Variants in ZC3H14 observed in about 807,000 individuals in gnomAD.
ZC3H14 encodes zinc finger CCCH domain-containing protein 14.
ZC3H14 carries 31 observed loss-of-function variants against 92.4 expected under a neutral mutation model. The ratio of observed to expected loss-of-function variants is 0.34; its 90% CI spans 0.25 to 0.45. ZC3H14 has a LOEUF of 0.45. ZC3H14 is among the 20% of genes least tolerant of loss of function. The pLI, the probability that ZC3H14 is intolerant of heterozygous loss-of-function variation, is 1.00. For synonymous variants in ZC3H14, 321 were observed against 300.9 expected (o/e 1.07, Z -0.69); for missense variants, 781 against 897.3 (o/e 0.87, Z 1.66).
intron 7 of ZC3H14, 142 bp downstream of exon 7, chr14:88,574,995 G>A: frequency 7.6e-7 from 1 of 1,311,920 alleles, no homozygotes; most frequent in Non-Finnish European, 1.1e-6. Flanking sequence ...GGAGTGCAGT[G>A]CCACGATCTC....
At chr14:88,570,021 A>G (rs771762962) in intron 3 of ZC3H14, among the ~76,000 whole-genome samples, 2 of 152,034 alleles carry the variant, frequency 1.3e-5, no homozygotes, top group Non-Finnish European at 2.9e-5. Context: ...TTTTTTTTCT[A>G]AAGCGACCGA....
In ZC3H14 at chr14:88,610,849, ACT is replaced by A; in HGVS notation, c.2115_2116del (p.Gln706MetfsTer14). ...CTCTATTCAGCATTGTAGGTTTAAC[ACT>A]CAATGTACAAGACCGGACTGCACAT... ...FYHPKHCRFN[T>X]QCTRPDCTFY... On this transcript the variant is annotated frameshift_variant, in exon 16 of 17. Transcript: ENST00000251038. LOFTEE classifies it high-confidence loss of function. 6.2e-7 allele frequency: 1 copy of A among 1,614,038 alleles called. No homozygotes were observed. The highest frequency in any genetic ancestry group is 8.5e-7 in the Non-Finnish European group (1 of 1,179,940).
intron 6 of ZC3H14, 70 bp downstream of exon 6, chr14:88,573,077 A>G: frequency 1.3e-6 from 2 of 1,545,460 alleles, no homozygotes; most frequent in Non-Finnish European, 1.8e-6. Flanking sequence ...TAATATATGA[A>G]GTAACTAAAC....
intron 7 of ZC3H14, among the ~76,000 whole-genome samples, chr14:88,575,586 G>A (rs1595558361): frequency 6.6e-6 from 1 of 151,976 alleles, no homozygotes; most frequent in Admixed American, 6.6e-5. Context: ...GTCCTGGACT[G>A]GAGAGGTGGA....
Position 88,622,513 on chromosome 14 carries a change from A to G in ZC3H14, c.*10762A>G. Reference sequence around the variant, plus strand: ...AATCCATCGTTATGCATTATTAAGTATTGTTCATTAGGCTGCAAAGGGTGA... The same window carrying G: ...AATCCATCGTTATGCATTATTAAGTGTTGTTCATTAGGCTGCAAAGGGTGA... On this transcript the variant is annotated 3_prime_UTR_variant, in exon 17 of 17. Coordinates refer to ENST00000251038, the MANE Select transcript of ZC3H14 (RefSeq NM_024824.5). 4 of 1,016,192 alleles carry G rather than the reference A, an allele frequency of 3.9e-6. No homozygotes were observed. The highest frequency in any genetic ancestry group is 5.6e-6 in the Non-Finnish European group (4 of 717,992). The allele number at this position is 1,016,192 out of a possible 1,614,324, so 62.9% of individuals were successfully genotyped here. A position where few individuals can be genotyped will look rare whatever the true frequency, so the allele number is the denominator to read the frequency against.
chr14:88,598,145 A>T (rs892117762), intron 10 of ZC3H14, among the ~76,000 whole-genome samples: 1 of 151,786 alleles, frequency 6.6e-6, no homozygotes, highest in African/African-American at 2.4e-5. Flanking sequence ...ATGTCTGGGG[A>T]TCCTAGGTGG....
chr14:88,585,380 CTTTT>C (rs34472063), intron 9 of ZC3H14, among the ~76,000 whole-genome samples: 3 of 120,596 alleles, frequency 2.5e-5, no homozygotes, highest in Admixed American at 8.3e-5. Context: ...CCTTTCTGTT[CTTTT>C]TTTTTTTTTT....
At chr14:88,596,851 T>A in intron 10 of ZC3H14, 43 bp downstream of exon 10, 3 of 1,547,188 alleles carry the variant, frequency 1.9e-6, no homozygotes, top group Non-Finnish European at 2.7e-6. Context: ...GCCATTTCAG[T>A]TGCCATTTCC....
In ZC3H14 at chr14:88,618,573, A is replaced by T. The variant is rs1221621042; in HGVS notation, c.*6822A>T. 2.7e-6 allele frequency: 4 copies of T among 1,488,466 alleles called. 1 individual carries two copies. In the African/African-American group the frequency reaches 5.6e-5, roughly 21 times the overall value. The allele number at this position is 1,488,466 out of a possible 1,614,324, so 92.2% of individuals were successfully genotyped here. A position where few individuals can be genotyped will look rare whatever the true frequency, so the allele number is the denominator to read the frequency against. On this transcript the variant is annotated 3_prime_UTR_variant, in exon 17 of 17. Transcript: ENST00000251038. Reference sequence around the variant, plus strand: ...GAAGCTGGAGCTCTGGAGCTCAGGAACTTTAAATGCATTCACTAACACGAA... The same window carrying T: ...GAAGCTGGAGCTCTGGAGCTCAGGATCTTTAAATGCATTCACTAACACGAA...
Position 88,626,530 on chromosome 14 carries a change from T to C in ZC3H14, c.*14779T>C, listed in dbSNP as rs934447443. On this transcript the variant is annotated 3_prime_UTR_variant, in exon 17 of 17. Transcript: ENST00000251038. Reference sequence around the variant, plus strand: ...TCCCAGCTACTAAGGAGGCTGAGGATCACTTGAACCTGGGAGATGGAGGCT... The same window carrying C: ...TCCCAGCTACTAAGGAGGCTGAGGACCACTTGAACCTGGGAGATGGAGGCT... 3 of 291,812 alleles carry C rather than the reference T, an allele frequency of 1.0e-5. No homozygotes were observed. The highest frequency in any genetic ancestry group is 2.0e-5 in the Non-Finnish European group (3 of 153,636). 18.1% of individuals were successfully genotyped at this position (291,812 alleles called of 1,614,324 possible). A position where few individuals can be genotyped will look rare whatever the true frequency, so the allele number is the denominator to read the frequency against.
At chr14:88,583,008 A>G (rs1425030077) in intron 9 of ZC3H14, among the ~76,000 whole-genome samples, 2 of 149,502 alleles carry the variant, frequency 1.3e-5, no homozygotes, top group Admixed American at 6.7e-5. Context: ...TTGTCTTGCC[A>G]TCAGTCTGTC....
At chr14:88,595,881 T>TC (rs1297483251) in intron 9 of ZC3H14, among the ~76,000 whole-genome samples, 2 of 152,284 alleles carry the variant, frequency 1.3e-5, no homozygotes, top group Non-Finnish European at 2.9e-5. Flanking sequence ...ATCAGTTACA[T>TC]CCCTTTGTAC....
intron 9 of ZC3H14, among the ~76,000 whole-genome samples, chr14:88,579,532 G>T (rs968128419): frequency 6.6e-6 from 1 of 152,208 alleles, no homozygotes; most frequent in Admixed American, 6.5e-5. Context: ...GACTCTACGT[G>T]AGAGTCTTGG....
At chr14:88,610,762 C>A in intron 15 of ZC3H14, 72 bp from the exon 16 acceptor site, 1 of 1,480,098 alleles carries the variant, frequency 6.8e-7, no homozygotes, top group South Asian at 1.2e-5. Flanking sequence ...GACCCTGTCT[C>A]AAATAATAAA....
chr14:88,573,416 A>G (rs1276034878), intron 6 of ZC3H14, among the ~76,000 whole-genome samples: 2 of 152,014 alleles, frequency 1.3e-5, no homozygotes, highest in East Asian at 3.9e-4. Context: ...AAAAAAACAC[A>G]TATTCCAAAT....
At chr14:88,571,177 G>GTTTT in intron 4 of ZC3H14, 53 bp downstream of exon 4, 1 of 1,472,640 alleles carries the variant, frequency 6.8e-7, no homozygotes, top group Non-Finnish European at 9.2e-7. Flanking sequence ...CATATGATTT[G>GTTTT]TTTCTTTCTA....
intron 10 of ZC3H14, among the ~76,000 whole-genome samples, chr14:88,597,401 C>T (rs2083985484): frequency 6.6e-6 from 1 of 152,206 alleles, no homozygotes; most frequent in Non-Finnish European, 1.5e-5. Context: ...AAAATGACTG[C>T]AGGATAAACA....
chr14:88,568,192 G>C (rs370938811), intron 3 of ZC3H14, 39 bp downstream of exon 3: 1 of 1,544,456 alleles, frequency 6.5e-7, no homozygotes, highest in Non-Finnish European at 8.9e-7. Flanking sequence ...CCAAAGTTTG[G>C]CACAAGCCTG....
In ZC3H14 at chr14:88,607,887, CATCT is replaced by C. The variant is rs1313193694; in HGVS notation, c.1868+525_1868+528del. ...TATCTCACCCTGCAAGTACCATCCC[CATCT>C]CACCCTGCAAGTATCATCCCCCACC... is the stretch of plus-strand genomic sequence containing the variant. On this transcript the variant is annotated intron_variant, in intron 13 of 16. Coordinates refer to ENST00000251038, the MANE Select transcript of ZC3H14 (RefSeq NM_024824.5). 2.4e-3 allele frequency among the ~76,000 whole-genome samples: 295 copies of C among 123,512 alleles called. 7 individuals are homozygous for C. The highest frequency in any genetic ancestry group is 9.1e-3 in the East Asian group (27 of 2,962). 81.0% of individuals were successfully genotyped at this position (123,512 alleles called of 152,430 possible).
Sources: gnomAD v4.1 joint callset for allele counts (sites outside exome capture counted in the v4.1 genomes callset) on GRCh38, gnomAD v4.1.1 for gene constraint, MANE v1.5 for transcripts, NCBI Gene and HGNC (gene_info 2026-07-23, HGNC 2026-07-21) for gene names.